TPST2: variants seen among roughly 807,000 people sequenced by gnomAD.
The protein encoded by TPST2 is tyrosylprotein sulfotransferase 2, also known as protein-tyrosine sulfotransferase 2.
A neutral mutation model predicts 27.8 loss-of-function variants in TPST2; 16 were observed. The ratio of observed to expected loss-of-function variants is 0.58; its 90% CI spans 0.39 to 0.88. TPST2 has a LOEUF of 0.88. Among genes scored for constraint, TPST2 ranks in the 40% least tolerant of loss-of-function variants. The pLI is 0.00. For missense variants in TPST2, 464 were observed against 543.1 expected, an observed-to-expected ratio of 0.85 and a Z score of 1.45; for synonymous variants, 229 against 231.7, an observed-to-expected ratio of 0.99 and a Z score of 0.10.
At chr22:26,573,591 G>T (rs188148153) in intron 1 of TPST2, among the ~76,000 whole-genome samples, 54 of 152,312 alleles carry the variant, frequency 3.5e-4, no homozygotes, top group African/African-American at 1.3e-3. Context: ...TTTTGCAATG[G>T]CTGATGGCCA....
chr22:26,577,376 G>A (rs1362864735), intron 1 of TPST2, among the ~76,000 whole-genome samples: 1 of 149,186 alleles, frequency 6.7e-6, no homozygotes, highest in Non-Finnish European at 1.5e-5. Flanking sequence ...ACAAGGTCTC[G>A]CTCTGTCGCC....
At chr22:26,568,657 G>C (rs887888936) in intron 1 of TPST2, among the ~76,000 whole-genome samples, 6 of 152,082 alleles carry the variant, frequency 3.9e-5, no homozygotes, top group African/African-American at 1.4e-4. Flanking sequence ...AATGCCAGAA[G>C]TTACCCTATA....
chr22:26,568,304 C>T lies in TPST2; in HGVS notation c.-161+21749G>A, dbSNP rs145664690. Among the ~76,000 whole-genome samples the T allele has an allele frequency of 2.4e-4, 36 of 152,304 alleles. No individual in the cohort carries two copies. The East Asian group carries it at 6.4e-3, about 27-fold the overall frequency. On this transcript the variant is annotated intron_variant, in intron 1 of 6. Coordinates refer to ENST00000338754, the MANE Select transcript of TPST2 (RefSeq NM_003595.5). Reference sequence around the variant, plus strand: ...CAAGTCAGCACAAGAAAGACCATAACGCGTGGTTCTGTCAGAGGCACTGGA... The same window carrying T: ...CAAGTCAGCACAAGAAAGACCATAATGCGTGGTTCTGTCAGAGGCACTGGA...
intron 1 of TPST2, among the ~76,000 whole-genome samples, chr22:26,580,417 GGAA>G (rs1487435271): frequency 6.6e-6 from 1 of 152,116 alleles, no homozygotes; most frequent in African/African-American, 2.4e-5. Context: ...GGGTATCCAG[GGAA>G]GAAGGGGAAT....
intron 1 of TPST2, among the ~76,000 whole-genome samples, chr22:26,575,895 C>T (rs1041431698): frequency 2.0e-4 from 31 of 152,220 alleles, no homozygotes; most frequent in East Asian, 1.9e-3. Flanking sequence ...ACTGAGGAGG[C>T]TGAGGCAGGA....
chr22:26,528,286 G>A, intron 5 of TPST2, 24 bp from the exon 6 acceptor site: 2 of 1,557,876 alleles, frequency 1.3e-6, no homozygotes, highest in Non-Finnish European at 1.7e-6. Flanking sequence ...ATACACAGAA[G>A]AAGGGGTCAC....
chr22:26,531,769 C>T (rs1925174654), intron 5 of TPST2, among the ~76,000 whole-genome samples: 1 of 152,196 alleles, frequency 6.6e-6, no homozygotes, highest in Non-Finnish European at 1.5e-5. Context: ...ACTTTAGATG[C>T]CAGCTGCAAT....
intron 1 of TPST2, among the ~76,000 whole-genome samples, chr22:26,559,023 A>T (rs1926948659): frequency 6.6e-6 from 1 of 152,246 alleles, no homozygotes; most frequent in Non-Finnish European, 1.5e-5. Context: ...GTTTCATAAC[A>T]GCTTTACTGA....
At chr22:26,583,939 G>A (rs1602309150) in intron 1 of TPST2, among the ~76,000 whole-genome samples, 5 of 152,244 alleles carry the variant, frequency 3.3e-5, no homozygotes, top group Admixed American at 6.5e-5. Context: ...CCGCACTTAC[G>A]TGACAATGGG....
At chr22:26,560,704 T>G in intron 1 of TPST2, 4 of 1,095,156 alleles carry the variant, frequency 3.7e-6, no homozygotes, top group South Asian at 1.2e-5. Flanking sequence ...AAAGGAAAAT[T>G]TGAAGATATG....
intron 1 of TPST2, among the ~76,000 whole-genome samples, chr22:26,577,649 A>ATTTTTTT (rs771843747): frequency 2.1e-5 from 2 of 93,384 alleles, no homozygotes; most frequent in African/African-American, 4.4e-5. Context: ...GCACCCGGCC[A>ATTTTTTT]TTTTTTTTTT....
At chr22:26,538,344 T>G (rs895154417) in intron 3 of TPST2, among the ~76,000 whole-genome samples, 3 of 152,282 alleles carry the variant, frequency 2.0e-5, no homozygotes, top group Admixed American at 6.5e-5. Flanking sequence ...GCATGGCTTT[T>G]GCCAAAATCC....
rs71311575 is a variant in TPST2, at chr22:26,523,190, A to AAAACAAACAAAC, written c.*3073_*3084dup. On this transcript the variant is annotated 3_prime_UTR_variant, in exon 7 of 7. Transcript: ENST00000338754. ...AGCAACCAAGCGGGACTCTGTCTCC[A>AAAACAAACAAAC]AAACAAACAAACAAACAATCCTCCA... The AAAACAAACAAAC allele has an allele frequency of 2.0e-5, 3 of 150,678 alleles. No homozygotes were observed. The highest frequency in any genetic ancestry group is 4.9e-5 in the African/African-American group (2 of 41,118). 9.3% of individuals were successfully genotyped at this position (150,678 alleles called of 1,614,324 possible).
At chr22:26,538,550 G>A (rs573334833) in intron 3 of TPST2, among the ~76,000 whole-genome samples, 20 of 152,332 alleles carry the variant, frequency 1.3e-4, no homozygotes, top group African/African-American at 2.2e-4. Flanking sequence ...GGTCAGGCGC[G>A]GTGGCTCATG....
chr22:26,543,829 G>T (rs866610430), intron 2 of TPST2, among the ~76,000 whole-genome samples: 1 of 152,290 alleles, frequency 6.6e-6, no homozygotes. Context: ...CTGCACGATG[G>T]CTTAAGAAGA....
chr22:26,527,351 T>C (rs535291567), intron 6 of TPST2, among the ~76,000 whole-genome samples: 2 of 152,110 alleles, frequency 1.3e-5, no homozygotes, highest in East Asian at 3.9e-4. Context: ...AGTGCCCAAG[T>C]CCACAGCGAG....
intron 1 of TPST2, among the ~76,000 whole-genome samples, chr22:26,566,140 G>A (rs374910659): frequency 6.6e-6 from 1 of 152,244 alleles, no homozygotes; most frequent in African/African-American, 2.4e-5. Flanking sequence ...CTCCTGGCCA[G>A]GCACGGTGGC....
Position 26,569,991 on chromosome 22 carries a change from A to AAAAGAAAGAAAG in TPST2, c.-161+20050_-161+20061dup, listed in dbSNP as rs770577530. On this transcript the variant is annotated intron_variant, in intron 1 of 6. Coordinates refer to ENST00000338754, the MANE Select transcript of TPST2 (RefSeq NM_003595.5). ...AAGGAAGAAAGAAAGAAAAGAAAGA[A>AAAAGAAAGAAAG]AAAGAAAGAAAGAAAGAAAGAAAGA... is the stretch of plus-strand genomic sequence containing the variant. Among the ~76,000 whole-genome samples, 191 of 19,848 alleles carry AAAAGAAAGAAAG rather than the reference A, an allele frequency of 9.6e-3. 6 individuals carry two copies. Among genetic ancestry groups the AAAAGAAAGAAAG allele is most frequent in the Non-Finnish European group, 0.012 (147 of 12,442 alleles). 13.0% of individuals were successfully genotyped at this position (19,848 alleles called of 152,430 possible). A position where few individuals can be genotyped will look rare whatever the true frequency, so the allele number is the denominator to read the frequency against.
intron 1 of TPST2, among the ~76,000 whole-genome samples, chr22:26,569,746 T>TC (rs1360962857): frequency 1.3e-5 from 2 of 151,996 alleles, no homozygotes; most frequent in Non-Finnish European, 2.9e-5. Flanking sequence ...GGTCAGGAGT[T>TC]CAAGACCAGC....
Sources: allele counts gnomAD v4.1 joint callset (sites outside exome capture counted in the v4.1 genomes callset), GRCh38; gene constraint gnomAD v4.1.1; transcripts MANE v1.5; gene names NCBI Gene and HGNC (gene_info 2026-07-23, HGNC 2026-07-21).